The following FAT4 variants were observed in gnomAD, a reference collection of about 807,000 sequenced individuals.
FAT4 encodes the protein protocadherin Fat 4.
In FAT4, 84 loss-of-function variants were observed where a neutral mutation model predicts 303.9. That is an observed-to-expected ratio of 0.28 (90% CI 0.23 to 0.33). The LOEUF is 0.33. Ranked by LOEUF, FAT4 falls within the 10% of genes least tolerant of loss-of-function variation. FAT4 has a pLI of 1.00. For missense variants in FAT4, 6,005 were observed against 6,146.8 expected, an observed-to-expected ratio of 0.98 and a Z score of 0.77; for synonymous variants, 2,307 against 2,298.8, an observed-to-expected ratio of 1.00 and a Z score of -0.10.
Position 125,414,976 on chromosome 4 carries a change from G to C in FAT4, c.6013G>C (p.Ala2005Pro). ...DKNGVLKVLK[A>P]LDRESQSFYN... ...GAATGGTGTACTCAAAGTCCTAAAA[G>C]CTTTGGATCGGGAAAGTCAGTCCTT... Residue 2005 changes from alanine (A) to proline (P), a missense_variant, in exon 6 of 18, where the codon GCT (alanine) becomes CCT (proline). By Grantham distance (27) the Ala-to-Pro change is conservative (BLOSUM62 -1). Coordinates refer to ENST00000394329, the MANE Select transcript of FAT4 (RefSeq NM_001291303.3). 6.2e-7 allele frequency: 1 copy of C among 1,613,920 alleles called. No individual in the cohort carries two copies. Among genetic ancestry groups the C allele is most frequent in the Non-Finnish European group, 8.5e-7 (1 of 1,179,896 alleles).
Position 125,451,534 on chromosome 4 carries a change from C to T in FAT4, c.10524C>T (p.Asn3508=), listed in dbSNP as rs150438915. ...LLVTLEDIND[N]GPMLTVSEGE... is the part of the protein sequence containing the mutation. ...TCACCCTGGAAGATATAAATGATAA[C>T]GGGCCCATGCTGACTGTCAGTGAAG... is the stretch of plus-strand genomic sequence containing the variant. Residue 3508 remains asparagine, a synonymous_variant, in exon 10 of 18, where the codon AAC becomes AAT. Coordinates refer to ENST00000394329, the MANE Select transcript of FAT4 (RefSeq NM_001291303.3). 23 of 1,614,104 alleles carry T rather than the reference C, an allele frequency of 1.4e-5. No individual in the cohort carries two copies. Among genetic ancestry groups the T allele is most frequent in the Middle Eastern group, 1.6e-4 (1 of 6,062 alleles).
chr4:125,418,077 A>C (rs544573184), intron 7 of FAT4, among the ~76,000 whole-genome samples: 1 of 152,224 alleles, frequency 6.6e-6, no homozygotes, highest in Non-Finnish European at 1.5e-5. Flanking sequence ...CTTAAATTAC[A>C]TATTCACTGT....
intron 15 of FAT4, 110 bp downstream of exon 15, chr4:125,479,975 T>TA: frequency 1.2e-6 from 1 of 808,118 alleles, no homozygotes; most frequent in Non-Finnish European, 1.7e-6. Context: ...TTCTAAATAT[T>TA]AAAATATTAA....
chr4:125,392,839 A>T (rs912594732), intron 2 of FAT4, among the ~76,000 whole-genome samples: 1 of 152,180 alleles, frequency 6.6e-6, no homozygotes, highest in Non-Finnish European at 1.5e-5. Context: ...GATCAGAGAC[A>T]TTGTGTCTTA....
Position 125,490,482 on chromosome 4 carries a change from G to T in FAT4, c.13666G>T (p.Val4556Phe), listed in dbSNP as rs755666152. ...KEKKKKGSEN[V>F]AFDDPDNIPP... The stretch of plus-strand genomic sequence containing the variant: ...GAAGAAGAAAAAGGGAAGTGAGAAC[G>T]TTGCTTTTGATGACCCTGACAATAT... The change falls in exon 18 of 18, where the codon GTT becomes TTT. Residue 4556 changes from valine (V) to phenylalanine (F), a missense_variant. Transcript: ENST00000394329. 1 of 1,614,140 alleles carries T rather than the reference G, an allele frequency of 6.2e-7. No homozygotes were observed. The highest frequency in any genetic ancestry group is 1.1e-5 in the South Asian group (1 of 91,080).
chr4:125,429,083 C>T (rs1578632959), intron 7 of FAT4, among the ~76,000 whole-genome samples: 2 of 152,152 alleles, frequency 1.3e-5, no homozygotes, highest in South Asian at 2.1e-4. Context: ...ATGGGATTCA[C>T]GTTTAATTGG....
intron 2 of FAT4, among the ~76,000 whole-genome samples, chr4:125,330,567 G>A (rs1731342670): frequency 6.6e-6 from 1 of 152,180 alleles, no homozygotes; most frequent in Admixed American, 6.5e-5. Context: ...TGTTTGATCT[G>A]TCTTCTTCCC....
chr4:125,355,718 T>C (rs1732397994), intron 2 of FAT4, among the ~76,000 whole-genome samples: 1 of 151,384 alleles, frequency 6.6e-6, no homozygotes, highest in South Asian at 2.1e-4. Context: ...TCTTTTTTTC[T>C]TTTTTTTCCT....
chr4:125,448,792 C>G lies in FAT4; in HGVS notation c.7782C>G (p.Ser2594=), dbSNP rs773513990. ...VSSLVTTITG[S]SLRGEPMSYY... Reference sequence around the variant, plus strand: ...CTCTTGTCACCACCATCACAGGATCCTCTTTAAGAGGAGAACCTATGTCAT... The same window carrying G: ...CTCTTGTCACCACCATCACAGGATCGTCTTTAAGAGGAGAACCTATGTCAT... Residue 2594 remains serine (S), a synonymous_variant, in exon 10 of 18, where the codon TCC becomes TCG. Coordinates refer to ENST00000394329, the MANE Select transcript of FAT4 (RefSeq NM_001291303.3). The G allele has an allele frequency of 1.2e-5, 19 of 1,610,862 alleles. No individual in the cohort carries two copies. The South Asian group carries it at 2.0e-4, about 17-fold the overall frequency.
rs1734108923 is a variant in FAT4, at chr4:125,394,913, A to G, written c.5176-3871A>G. ...TTAAAGTACATCACCTATTTTCTAC[A>G]AGGGATGCTGACTTGTCTTATTTTC... On this transcript the variant is annotated intron_variant, in intron 2 of 17. Transcript: ENST00000394329. Among the ~76,000 whole-genome samples, 3 of 152,182 alleles carry G rather than the reference A, an allele frequency of 2.0e-5. No homozygotes were observed. The South Asian group carries it at 6.2e-4, about 31-fold the overall frequency.
chr4:125,426,245 G>A (rs1458783109), intron 7 of FAT4, among the ~76,000 whole-genome samples: 1 of 151,982 alleles, frequency 6.6e-6, no homozygotes, highest in Non-Finnish European at 1.5e-5. Context: ...TTATTTGTGG[G>A]AATGTATGAT....
Position 125,491,778 on chromosome 4 carries a change from A to T in FAT4, c.*10A>T. On this transcript the variant is annotated 3_prime_UTR_variant, in exon 18 of 18. Transcript: ENST00000394329. ...AGAACAGTATGTGTGAAGTTTATGT[A>T]CTGGCACTATAAAATATAAAAACAA... is the stretch of plus-strand genomic sequence containing the variant. 1 of 1,585,820 alleles carries T rather than the reference A, an allele frequency of 6.3e-7. No individual in the cohort carries two copies. Among genetic ancestry groups the T allele is most frequent in the Admixed American group, 1.8e-5 (1 of 54,610 alleles).
At chr4:125,373,782 A>G (rs1051990852) in intron 2 of FAT4, among the ~76,000 whole-genome samples, 2 of 152,184 alleles carry the variant, frequency 1.3e-5, no homozygotes, top group East Asian at 3.9e-4. Context: ...ACAGGTGAAC[A>G]TGAAAAAGCC....
intron 2 of FAT4, among the ~76,000 whole-genome samples, chr4:125,367,156 A>T (rs1019158770): frequency 1.3e-5 from 2 of 152,116 alleles, no homozygotes; most frequent in East Asian, 3.9e-4. Flanking sequence ...AGCATCGCAA[A>T]TATGCATCAA....
chr4:125,318,939 A>T lies in FAT4; in HGVS notation c.2528A>T (p.Gln843Leu). ...GDQKGMFAIN[Q>L]VTGQLTTANV... ...CAGAAAGGTATGTTTGCTATCAACC[A>T]GGTCACTGGGCAGCTTACCACAGCA... The change falls in exon 2 of 18, where the codon CAG becomes CTG. Residue 843 changes from glutamine (Q) to leucine (L), a missense_variant. Physicochemically the swap from Gln to Leu is moderately radical, Grantham distance 113 (BLOSUM62 -2). Transcript: ENST00000394329. The T allele has an allele frequency of 6.2e-7, 1 of 1,614,206 alleles. No individual in the cohort carries two copies. The highest frequency in any genetic ancestry group is 8.5e-7 in the Non-Finnish European group (1 of 1,180,038).
At chr4:125,439,442 C>T (rs1725572210) in intron 8 of FAT4, among the ~76,000 whole-genome samples, 2 of 151,936 alleles carry the variant, frequency 1.3e-5, no homozygotes, top group Admixed American at 6.6e-5. Context: ...ACGCCATTCT[C>T]CTGTCTCAGC....
At position 125,406,991 on chromosome 4, in the gene FAT4, C is replaced by A. The variant is rs746989506; in HGVS notation, c.5419C>A (p.Arg1807Ser). Residue 1807 changes from arginine (R) to serine (S), a missense_variant, in exon 4 of 18, where the codon CGC (arginine) becomes AGC (serine). Arg to Ser is a moderately radical substitution (Grantham distance 110). Coordinates refer to ENST00000394329, the MANE Select transcript of FAT4 (RefSeq NM_001291303.3). ...IATRRLDRER[R>S]SKYSLLVRAD... ...AACCAGGCGGTTGGACAGGGAACGC[C>A]GCTCCAAATATTCACTGCTAGTTCG... The A allele has an allele frequency of 6.2e-7, 1 of 1,613,748 alleles. No homozygotes were observed. Among genetic ancestry groups the A allele is most frequent in the Non-Finnish European group, 8.5e-7 (1 of 1,179,858 alleles).
intron 2 of FAT4, among the ~76,000 whole-genome samples, chr4:125,348,264 C>T (rs541969906): frequency 1.3e-4 from 19 of 151,880 alleles, no homozygotes; most frequent in African/African-American, 4.3e-4. Flanking sequence ...TAAATTGGAA[C>T]GTATTCTTTT....
In FAT4 at chr4:125,393,727, GGTAACAAT is replaced by G. The variant is rs200106559; in HGVS notation, c.5176-5056_5176-5049del. Among the ~76,000 whole-genome samples, 62 of 152,146 alleles carry G rather than the reference GGTAACAAT, an allele frequency of 4.1e-4. 1 individual carries two copies. In the East Asian group the frequency reaches 0.011, roughly 28 times the overall value. The stretch of plus-strand genomic sequence containing the variant: ...TTATTCCTTCAGCATAAAGTAATTT[GGTAACAAT>G]ATTTAAAGGCATATTTCTAACTTAA... On this transcript the variant is annotated intron_variant, in intron 2 of 17. Transcript: ENST00000394329.
Sources: gnomAD v4.1 joint callset for allele counts (sites outside exome capture counted in the v4.1 genomes callset) on GRCh38, gnomAD v4.1.1 for gene constraint, MANE v1.5 for transcripts, NCBI Gene and HGNC (gene_info 2026-07-23, HGNC 2026-07-21) for gene names.